Variants in SPATA16 observed in about 807,000 individuals in gnomAD.
The protein encoded by SPATA16 is spermatogenesis-associated protein 16.
SPATA16 carries 36 observed loss-of-function variants against 63.3 expected under a neutral mutation model. The ratio of observed to expected loss-of-function variants is 0.57; its 90% CI spans 0.44 to 0.75. The LOEUF (loss-of-function observed/expected upper bound fraction) is 0.75, where lower values mean the gene tolerates loss of function less well. Ranked by LOEUF, SPATA16 falls within the 30% of genes least tolerant of loss-of-function variation. The probability of loss-of-function intolerance (pLI) is 0.00; values close to 1 mark genes in which losing one functional copy is unlikely to be tolerated. For missense variants in SPATA16, 646 were observed against 679.3 expected (o/e 0.95, Z 0.54); for synonymous variants, 203 against 216.7 (o/e 0.94, Z 0.56).
chr3:173,078,808 G>A (rs558303683), intron 2 of SPATA16, among the ~76,000 whole-genome samples: 2 of 151,978 alleles, frequency 1.3e-5, no homozygotes, highest in Admixed American at 1.3e-4. Flanking sequence ...TTGATGCCAC[G>A]GCACTTTCTG....
rs1734562245 is a variant in SPATA16 at position 172,990,947 on chromosome 3, G to T, written c.849-13895C>A. 1.3e-5 allele frequency among the ~76,000 whole-genome samples: 2 copies of T among 152,056 alleles called. 1 individual carries two copies. Among genetic ancestry groups the T allele is most frequent in the African/African-American group, 4.8e-5 (2 of 41,394 alleles). On this transcript the variant is annotated intron_variant, in intron 4 of 10. Coordinates refer to ENST00000351008, the MANE Select transcript of SPATA16 (RefSeq NM_031955.6). ...AGCAATAAAAATGTATGAACTAAGA[G>T]ATTTAAAGGAAAATCAGTGAGCAGC...
intron 8 of SPATA16, among the ~76,000 whole-genome samples, chr3:172,918,666 C>T (rs939727769): frequency 6.6e-6 from 1 of 152,022 alleles, no homozygotes; most frequent in African/African-American, 2.4e-5. Context: ...TAGGAATTAG[C>T]TTAAATATCT....
chr3:172,891,943 C>T (rs1326084460), intron 10 of SPATA16, among the ~76,000 whole-genome samples: 1 of 152,150 alleles, frequency 6.6e-6, no homozygotes, highest in Non-Finnish European at 1.5e-5. Context: ...TCTGTCTTCT[C>T]ATCTGGACTT....
At chr3:173,133,681 A>T (rs1435323529) in intron 1 of SPATA16, among the ~76,000 whole-genome samples, 2 of 152,168 alleles carry the variant, frequency 1.3e-5, no homozygotes, top group Non-Finnish European at 2.9e-5. Context: ...CATAAAATAT[A>T]AAAAAATTGA....
intron 2 of SPATA16, among the ~76,000 whole-genome samples, chr3:173,063,729 A>G (rs1002707193): frequency 1.3e-5 from 2 of 152,192 alleles, no homozygotes; most frequent in South Asian, 4.1e-4. Flanking sequence ...AATGTTTTTC[A>G]TAACGTCATT....
At chr3:173,003,909 A>G (rs374059851) in intron 4 of SPATA16, among the ~76,000 whole-genome samples, 1 of 152,180 alleles carries the variant, frequency 6.6e-6, no homozygotes, top group African/African-American at 2.4e-5. Context: ...ATCTCTAGAT[A>G]TATTATTATC....
intron 2 of SPATA16, 78 bp downstream of exon 2, chr3:173,117,042 C>T: frequency 7.1e-7 from 1 of 1,399,672 alleles, no homozygotes; most frequent in East Asian, 2.3e-5. Flanking sequence ...TACAGTATGG[C>T]CAGAACCCCT....
intron 2 of SPATA16, among the ~76,000 whole-genome samples, chr3:173,108,229 T>A (rs1737664991): frequency 2.0e-5 from 3 of 152,164 alleles, no homozygotes; most frequent in Admixed American, 2.0e-4. Flanking sequence ...CCAAGTTCAG[T>A]ATCAATCTAT....
intron 1 of SPATA16, among the ~76,000 whole-genome samples, chr3:173,137,139 A>G (rs1034883941): frequency 2.6e-5 from 4 of 152,164 alleles, no homozygotes; most frequent in African/African-American, 9.7e-5. Context: ...GTACATCTAA[A>G]TCAGCTTATA....
At chr3:173,086,245 G>A (rs1025241012) in intron 2 of SPATA16, among the ~76,000 whole-genome samples, 5 of 151,970 alleles carry the variant, frequency 3.3e-5, no homozygotes, top group Admixed American at 6.6e-5. Context: ...CAACTTGTTC[G>A]TGGTACAACC....
chr3:173,087,552 T>C (rs559868111), intron 2 of SPATA16, among the ~76,000 whole-genome samples: 1 of 152,338 alleles, frequency 6.6e-6, no homozygotes, highest in East Asian at 1.9e-4. Flanking sequence ...TGTGTGAATT[T>C]GATCCGGTCA....
chr3:172,960,937 T>C (rs13099889), intron 5 of SPATA16, among the ~76,000 whole-genome samples: 3 of 131,914 alleles, frequency 2.3e-5, no homozygotes, highest in Non-Finnish European at 4.9e-5. Context: ...TTCCTTCTCT[T>C]TCTCTCTTCC....
intron 4 of SPATA16, among the ~76,000 whole-genome samples, chr3:173,005,966 TAAAAG>T (rs1050468525): frequency 6.6e-5 from 10 of 152,178 alleles, no homozygotes; most frequent in Non-Finnish European, 1.0e-4. Context: ...TTTAAATCCT[TAAAAG>T]AGAAGAGATG....
intron 5 of SPATA16, among the ~76,000 whole-genome samples, chr3:172,971,089 T>C (rs1237748403): frequency 3.3e-5 from 5 of 152,176 alleles, no homozygotes; most frequent in African/African-American, 1.2e-4. Context: ...GCTCCCTTGA[T>C]TGTCATGTTT....
At chr3:173,029,514 C>T (rs752937385) in intron 3 of SPATA16, among the ~76,000 whole-genome samples, 8 of 151,486 alleles carry the variant, frequency 5.3e-5, no homozygotes, top group Non-Finnish European at 8.8e-5. Context: ...GACACCTTCA[C>T]ATGCACTAGG....
intron 6 of SPATA16, among the ~76,000 whole-genome samples, chr3:172,946,106 C>T (rs1733278493): frequency 6.6e-6 from 1 of 152,156 alleles, no homozygotes; most frequent in Non-Finnish European, 1.5e-5. Context: ...ACAACCTGAG[C>T]TGGAAGGGAA....
intron 2 of SPATA16, among the ~76,000 whole-genome samples, chr3:173,112,861 A>G (rs185804837): frequency 1.2e-3 from 187 of 152,336 alleles, no homozygotes; most frequent in Middle Eastern, 6.8e-3. Context: ...TGTGAATCTT[A>G]AAGGATACAT....
intron 4 of SPATA16, among the ~76,000 whole-genome samples, chr3:172,992,795 C>T (rs1419271830): frequency 1.3e-5 from 2 of 152,120 alleles, no homozygotes; most frequent in African/African-American, 4.8e-5. Context: ...GAAAGGACTC[C>T]TCCCATCAAA....
chr3:173,016,531 C>T (rs955304307), intron 4 of SPATA16, among the ~76,000 whole-genome samples: 2 of 152,176 alleles, frequency 1.3e-5, no homozygotes, highest in Non-Finnish European at 2.9e-5. Context: ...GTTTTAGGAT[C>T]TCCTAAGTCA....
Sources: allele counts gnomAD v4.1 joint callset (sites outside exome capture counted in the v4.1 genomes callset), GRCh38; gene constraint gnomAD v4.1.1; transcripts MANE v1.5; gene names NCBI Gene and HGNC (gene_info 2026-07-23, HGNC 2026-07-21).